Variants in HMCN1 observed in about 807,000 individuals in gnomAD.
HMCN1 encodes the protein hemicentin 1.
HMCN1 carries 321 observed loss-of-function variants against 625.9 expected under a neutral mutation model. That is an observed-to-expected ratio of 0.51 (90% confidence interval 0.47 to 0.56). The LOEUF is 0.56. Ranked by LOEUF, HMCN1 falls within the 20% of genes least tolerant of loss-of-function variation. HMCN1 has a pLI of 0.00. For synonymous variants in HMCN1, 2,425 were observed against 2,417.6 expected, an observed-to-expected ratio of 1.00 and a Z score of -0.09; for missense variants, 6,588 against 6,887.3, an observed-to-expected ratio of 0.96 and a Z score of 1.54.
At chr1:186,137,473 A>G in intron 87 of HMCN1, 25 bp from the exon 88 acceptor site, 1 of 1,610,058 alleles carries the variant, frequency 6.2e-7, no homozygotes, top group Non-Finnish European at 8.5e-7. Flanking sequence ...AAAAGCTTAG[A>G]CAAAGTACAA....
intron 4 of HMCN1, among the ~76,000 whole-genome samples, chr1:185,886,154 G>C (rs1664633493): frequency 6.6e-6 from 1 of 151,540 alleles, no homozygotes. Context: ...TCTTCCAATA[G>C]AATATGCAGG....
In HMCN1 at chr1:186,088,758, A is replaced by G. The variant is rs1374293019; in HGVS notation, c.9727+3A>G. 1.2e-6 allele frequency: 2 copies of G among 1,604,618 alleles called. No homozygotes were observed. The highest frequency in any genetic ancestry group is 1.7e-6 in the Non-Finnish European group (2 of 1,173,788). On this transcript the variant is annotated splice_donor_region_variant and intron_variant, in intron 63 of 106. Coordinates refer to ENST00000271588, the MANE Select transcript of HMCN1 (RefSeq NM_031935.3). ...ATATTACTTTCTTTCAATTCAAGGT[A>G]TGTATTGTCCACTATGATCTATCTT...
intron 46 of HMCN1, among the ~76,000 whole-genome samples, chr1:186,060,670 A>G (rs1319533016): frequency 6.6e-6 from 1 of 152,186 alleles, no homozygotes; most frequent in East Asian, 1.9e-4. Flanking sequence ...ATAACATTTT[A>G]TATAATGTAG....
In HMCN1 at chr1:186,112,909, A is replaced by T. The variant is rs1471004163; in HGVS notation, c.11087A>T (p.Asn3696Ile). 1.9e-6 allele frequency: 3 copies of T among 1,614,182 alleles called. No individual in the cohort carries two copies. ...GCCAATTATACCTGTGTTGCCAGCAACATTGCAGGAAAGACTACAAGAGAA... is the reference window on the plus strand; with the variant it reads ...GCCAATTATACCTGTGTTGCCAGCATCATTGCAGGAAAGACTACAAGAGAA... ...DTANYTCVAS[N>I]IAGKTTREFI... The change falls in exon 72 of 107, where the codon AAC becomes ATC. Residue 3696 changes from asparagine to isoleucine, a missense_variant. Coordinates refer to ENST00000271588, the MANE Select transcript of HMCN1 (RefSeq NM_031935.3).
chr1:185,847,970 A>G (rs1178817018), intron 2 of HMCN1, among the ~76,000 whole-genome samples: 1 of 152,164 alleles, frequency 6.6e-6, no homozygotes, highest in Non-Finnish European at 1.5e-5. Flanking sequence ...AAGCAAAAAA[A>G]AAAGTTTTCA....
rs12067448 is a variant in HMCN1, at chr1:185,848,961, A to G, written c.339+2865A>G. Reference sequence around the variant, plus strand: ...TTTTCTTGCATTTATTCTTGCTTCTATTTTCCAGGCCTAGCTTCTCTACTC... The same window carrying G: ...TTTTCTTGCATTTATTCTTGCTTCTGTTTTCCAGGCCTAGCTTCTCTACTC... On this transcript the variant is annotated intron_variant, in intron 2 of 106. Transcript: ENST00000271588. Among the ~76,000 whole-genome samples, 498 of 152,140 alleles carry G rather than the reference A, an allele frequency of 3.3e-3. 4 individuals carry two copies. The highest frequency in any genetic ancestry group is 0.011 in the African/African-American group (475 of 41,498).
chr1:186,048,083 C>T (rs1251295055), intron 41 of HMCN1, among the ~76,000 whole-genome samples: 1 of 152,030 alleles, frequency 6.6e-6, no homozygotes, highest in Admixed American at 6.6e-5. Flanking sequence ...TTTATATTCT[C>T]AACTGGATTG....
At chr1:185,933,501 C>T (rs1420223740) in intron 10 of HMCN1, 48 bp from the exon 11 acceptor site, 2 of 1,604,328 alleles carry the variant, frequency 1.2e-6, no homozygotes, top group African/African-American at 2.7e-5. Context: ...TGTAAGTGAG[C>T]AAAATGGCTT....
In HMCN1 at chr1:185,909,386, T is replaced by C. The variant is rs761314388; in HGVS notation, c.671T>C (p.Leu224Ser). The C allele has an allele frequency of 1.2e-6, 2 of 1,613,312 alleles. No homozygotes were observed. Among genetic ancestry groups the C allele is most frequent in the East Asian group, 2.2e-5 (1 of 44,864 alleles). Residue 224 changes from leucine to serine, a missense_variant, in exon 5 of 107, where the codon TTA (leucine) becomes TCA (serine). By Grantham distance (145) the Leu-to-Ser change is moderately radical. Around this residue, in one of 3 missense-constraint regions of HMCN1, gnomAD observed 4,628 missense variants for 4,853.1 expected, o/e 0.95. Coordinates refer to ENST00000271588, the MANE Select transcript of HMCN1 (RefSeq NM_031935.3). The stretch of plus-strand genomic sequence containing the variant: ...GTACAGGCCTCCAAAGTTCACCTTT[T>C]ATCCACAGATCATTTGGAACAGGCT... ...EAVQASKVHLLSTDHLEQAVN... is the reference protein window; with the variant it reads ...EAVQASKVHLSSTDHLEQAVN...
chr1:186,178,590 C>T lies in HMCN1; in HGVS notation c.16118C>T (p.Ala5373Val). 6.2e-7 allele frequency: 1 copy of T among 1,614,126 alleles called. No homozygotes were observed. The highest frequency in any genetic ancestry group is 8.5e-7 in the Non-Finnish European group (1 of 1,180,010). The change falls in exon 104 of 107, where the codon GCA becomes GTA. Residue 5373 changes from alanine to valine, a missense_variant. This residue lies in a region of HMCN1 where 1,954 missense variants were observed against 2,013.1 expected (regional missense o/e 0.97). Coordinates refer to ENST00000271588, the MANE Select transcript of HMCN1 (RefSeq NM_031935.3). Reference protein sequence around the residue: ...YGTQYSSYNLARFSPVRNNYQ... With the variant: ...YGTQYSSYNLVRFSPVRNNYQ... ...ACTCAATACAGTAGCTATAACCTTG[C>T]ACGGTTCTCCCCTGTGAGAAACAAC... is the stretch of plus-strand genomic sequence containing the variant.
Position 186,045,779 on chromosome 1 carries a change from A to G in HMCN1, c.6396A>G (p.Pro2132=), listed in dbSNP as rs1571771663. 6.2e-7 allele frequency: 1 copy of G among 1,612,378 alleles called. No individual in the cohort carries two copies. Among genetic ancestry groups the G allele is most frequent in the South Asian group, 1.1e-5 (1 of 91,054 alleles). The part of the protein sequence containing the change: ...ELLCQSDAIP[P]PTLTWLKDGH... ...TATGTCAAAGTGATGCTATTCCCCC[A>G]CCTACTCTTACTTGGTTAAAAGACG... Residue 2132 remains proline (P), a synonymous_variant, in exon 41 of 107, where the codon CCA becomes CCG. Transcript: ENST00000271588.
At chr1:186,163,302 C>T (rs1295347951) in intron 97 of HMCN1, among the ~76,000 whole-genome samples, 1 of 152,168 alleles carries the variant, frequency 6.6e-6, no homozygotes, top group Non-Finnish European at 1.5e-5. Flanking sequence ...TTTCCAGGTG[C>T]CATCAGTTAC....
chr1:186,072,234 C>T (rs1428356379), intron 52 of HMCN1, among the ~76,000 whole-genome samples: 2 of 152,050 alleles, frequency 1.3e-5, no homozygotes, highest in African/African-American at 4.8e-5. Flanking sequence ...AGAAAAGAAA[C>T]ACAAAACATA....
At chr1:185,811,108 T>C (rs1659487111) in intron 1 of HMCN1, among the ~76,000 whole-genome samples, 1 of 152,164 alleles carries the variant, frequency 6.6e-6, no homozygotes, top group Non-Finnish European at 1.5e-5. Flanking sequence ...TCTCTTTCAT[T>C]TCTACATGTC....
chr1:185,897,172 A>G lies in HMCN1; in HGVS notation c.622-12165A>G, dbSNP rs11809970. On this transcript the variant is annotated intron_variant, in intron 4 of 106. Transcript: ENST00000271588. ...CTTTGGAATCTATTTTCTCTTCTTCATTTCCACTGTCATTGTTTCTTTACT... is the reference window on the plus strand; with the variant it reads ...CTTTGGAATCTATTTTCTCTTCTTCGTTTCCACTGTCATTGTTTCTTTACT... Among the ~76,000 whole-genome samples the G allele has an allele frequency of 3.5e-3, 535 of 152,040 alleles. 2 individuals carry two copies. Among genetic ancestry groups the G allele is most frequent in the African/African-American group, 0.012 (517 of 41,472 alleles).
intron 22 of HMCN1, 152 bp downstream of exon 22, chr1:185,990,595 A>G: frequency 2.8e-6 from 2 of 703,876 alleles, no homozygotes; most frequent in Admixed American, 4.1e-5. Flanking sequence ...GGAAGTATTT[A>G]TAACACTGAA....
intron 98 of HMCN1, among the ~76,000 whole-genome samples, chr1:186,165,473 C>G (rs760800708): frequency 6.6e-6 from 1 of 152,194 alleles, no homozygotes; most frequent in Admixed American, 6.5e-5. Context: ...AGTGAGCAGA[C>G]AGACAATGCT....
chr1:186,152,974 T>C (rs1011956998), intron 96 of HMCN1, 103 bp downstream of exon 96: 4 of 1,424,580 alleles, frequency 2.8e-6, no homozygotes, highest in African/African-American at 1.4e-5. Flanking sequence ...TGGGGGAAAA[T>C]GTCCAAACTA....
intron 1 of HMCN1, among the ~76,000 whole-genome samples, chr1:185,760,824 A>AT (rs1571314778): frequency 6.6e-6 from 1 of 152,242 alleles, no homozygotes; most frequent in East Asian, 1.9e-4. Context: ...TTTAATCCTC[A>AT]TAAAAACTTT....
Sources: allele counts gnomAD v4.1 joint callset (sites outside exome capture counted in the v4.1 genomes callset), GRCh38; gene constraint gnomAD v4.1.1; regional missense constraint gnomAD v4.1.1; transcripts MANE v1.5; gene names NCBI Gene and HGNC (gene_info 2026-07-23, HGNC 2026-07-21).